The following VTI1A variants were observed in gnomAD, a reference collection of about 807,000 sequenced individuals.
The protein encoded by VTI1A is vesicle transport through interaction with t-SNAREs homolog 1A.
Under a neutral mutation model 34.9 loss-of-function variants are expected in VTI1A, and 22 were observed. The ratio of observed to expected loss-of-function variants is 0.63; its 90% confidence interval spans 0.45 to 0.90. The LOEUF is 0.90. VTI1A is among the 40% of genes least tolerant of loss of function. The probability of loss-of-function intolerance (pLI) is 0.00; values close to 1 mark genes in which losing one functional copy is unlikely to be tolerated. For missense variants in VTI1A, 268 were observed against 275.6 expected (o/e 0.97, Z 0.20); for synonymous variants, 87 against 97.3 (o/e 0.89, Z 0.62).
At position 112,668,377 on chromosome 10, in the gene VTI1A, A is replaced by C. The variant is rs953163053; in HGVS notation, c.498+89A>C. The C allele has an allele frequency of 4.4e-6, 6 of 1,367,688 alleles. No individual in the cohort carries two copies. The Admixed American group carries it at 1.2e-4, about 26-fold the overall frequency. 84.7% of individuals were successfully genotyped at this position (1,367,688 alleles called of 1,614,324 possible). A position where few individuals can be genotyped will look rare whatever the true frequency, so the allele number is the denominator to read the frequency against. ...GGGACATAAACAATAGCAATTAGGT[A>C]GATATATGTGTGTAAGGTGAAAGAG... On this transcript the variant is annotated intron_variant, in intron 6 of 7. Coordinates refer to ENST00000393077, the MANE Select transcript of VTI1A (RefSeq NM_145206.4).
At chr10:112,786,262 G>A (rs1407423499) in intron 7 of VTI1A, among the ~76,000 whole-genome samples, 3 of 152,128 alleles carry the variant, frequency 2.0e-5, no homozygotes, top group Non-Finnish European at 4.4e-5. Flanking sequence ...TGTGGCTATA[G>A]CAATACACTT....
At chr10:112,660,971 A>G (rs767164249) in intron 5 of VTI1A, among the ~76,000 whole-genome samples, 12 of 152,090 alleles carry the variant, frequency 7.9e-5, no homozygotes, top group Non-Finnish European at 1.5e-4. Context: ...AAATGTTTTT[A>G]TTTTTATTTA....
chr10:112,688,246 G>A (rs928383637), intron 7 of VTI1A, among the ~76,000 whole-genome samples: 3 of 151,850 alleles, frequency 2.0e-5, no homozygotes, highest in Admixed American at 6.6e-5. Context: ...GAGCCCCTAT[G>A]CCTGGCCAAG....
chr10:112,511,505 G>C (rs747367217), intron 3 of VTI1A, among the ~76,000 whole-genome samples: 3 of 152,118 alleles, frequency 2.0e-5, no homozygotes, highest in Non-Finnish European at 4.4e-5. Context: ...GCCTCCCAAA[G>C]TGCTGGGATT....
intron 7 of VTI1A, among the ~76,000 whole-genome samples, chr10:112,723,188 C>T (rs188004311): frequency 4.6e-5 from 7 of 152,308 alleles, no homozygotes; most frequent in Admixed American, 1.3e-4. Context: ...CCATCATCAT[C>T]GTCCTCCTCG....
chr10:112,505,325 A>G (rs909633541), intron 3 of VTI1A, among the ~76,000 whole-genome samples: 5 of 152,124 alleles, frequency 3.3e-5, no homozygotes, highest in Non-Finnish European at 5.9e-5. Flanking sequence ...CTTGATTTCT[A>G]TATTTTAATT....
intron 3 of VTI1A, among the ~76,000 whole-genome samples, chr10:112,470,056 C>T (rs1848026645): frequency 6.6e-6 from 1 of 152,202 alleles, no homozygotes. Flanking sequence ...CGCTCCTCCA[C>T]TGCTTGTTGT....
chr10:112,621,807 G>A (rs1845748301), intron 5 of VTI1A, among the ~76,000 whole-genome samples: 1 of 152,154 alleles, frequency 6.6e-6, no homozygotes, highest in Non-Finnish European at 1.5e-5. Context: ...ATGTGGCACT[G>A]ACTACTCCAG....
intron 5 of VTI1A, among the ~76,000 whole-genome samples, chr10:112,646,061 G>T (rs988271593): frequency 5.3e-5 from 8 of 150,844 alleles, no homozygotes; most frequent in Non-Finnish European, 1.0e-4. Flanking sequence ...TAGGGTGATA[G>T]ATATATGTTT....
intron 5 of VTI1A, among the ~76,000 whole-genome samples, chr10:112,609,450 A>G (rs1401033469): frequency 6.6e-6 from 1 of 152,124 alleles, no homozygotes; most frequent in Non-Finnish European, 1.5e-5. Flanking sequence ...TTGAGTGTAA[A>G]CTCTGTGACG....
At chr10:112,615,304 A>C (rs1172959989) in intron 5 of VTI1A, among the ~76,000 whole-genome samples, 1 of 152,214 alleles carries the variant, frequency 6.6e-6, no homozygotes, top group Non-Finnish European at 1.5e-5. Flanking sequence ...TCCATCTGGA[A>C]AACAGATGGC....
At chr10:112,793,269 T>A (rs1347415211) in intron 7 of VTI1A, among the ~76,000 whole-genome samples, 1 of 152,212 alleles carries the variant, frequency 6.6e-6, no homozygotes, top group African/African-American at 2.4e-5. Context: ...CCCAGATTTG[T>A]GCTGTTTGTG....
chr10:112,567,452 A>G (rs12259387), intron 5 of VTI1A, among the ~76,000 whole-genome samples: 17,792 of 152,200 alleles, frequency 0.12, 1,640 homozygotes, highest in East Asian at 0.27. Flanking sequence ...TATATTATCT[A>G]TATCTCAATT....
chr10:112,447,247 TC>T lies in VTI1A; in HGVS notation c.-123del. 2 of 975,554 alleles carry T rather than the reference TC, an allele frequency of 2.1e-6. No homozygotes were observed. The highest frequency in any genetic ancestry group is 3.0e-6 in the Non-Finnish European group (2 of 660,972). 60.4% of individuals were successfully genotyped at this position (975,554 alleles called of 1,614,324 possible). On this transcript the variant is annotated 5_prime_UTR_variant, in exon 1 of 8. Coordinates refer to ENST00000393077, the MANE Select transcript of VTI1A (RefSeq NM_145206.4). ...CAGGAAGCGGCTGGGTTGAGAGCTG[TC>T]CCCGGTTCTCCGTTCTGCTCTCGGG...
chr10:112,466,500 C>G (rs961192495), intron 3 of VTI1A, among the ~76,000 whole-genome samples: 1 of 152,032 alleles, frequency 6.6e-6, no homozygotes, highest in Admixed American at 6.5e-5. Context: ...ACTAGGGTAA[C>G]ATTTTCTCCA....
chr10:112,813,903 G>C (rs545952293), intron 7 of VTI1A, among the ~76,000 whole-genome samples: 2 of 152,142 alleles, frequency 1.3e-5, no homozygotes, highest in African/African-American at 4.8e-5. Flanking sequence ...GCAGTTTTGC[G>C]GAAGACGTGT....
the VTI1A span, among the ~76,000 whole-genome samples, chr10:112,848,291 C>T: frequency 6.6e-6 from 1 of 152,200 alleles, no homozygotes; most frequent in Non-Finnish European, 1.5e-5. Flanking sequence ...CATTTCTGGG[C>T]CCCAGACTGG....
At chr10:112,690,478 C>T (rs879836217) in intron 7 of VTI1A, among the ~76,000 whole-genome samples, 1 of 152,154 alleles carries the variant, frequency 6.6e-6, no homozygotes, top group Non-Finnish European at 1.5e-5. Context: ...CACCCCAGTT[C>T]CTATTTGACC....
At chr10:112,846,765 C>CA in the VTI1A span, among the ~76,000 whole-genome samples, 3,699 of 60,008 alleles carry the variant, frequency 0.062, 67 homozygotes, top group South Asian at 0.087. Flanking sequence ...GACTCCGTCT[C>CA]AAAAAAAAAA....
Sources: allele counts gnomAD v4.1 joint callset (sites outside exome capture counted in the v4.1 genomes callset), GRCh38; gene constraint gnomAD v4.1.1; transcripts MANE v1.5; gene names NCBI Gene and HGNC (gene_info 2026-07-23, HGNC 2026-07-21).